The following BIN1 variants were observed in gnomAD, a reference collection of about 807,000 sequenced individuals.
BIN1 encodes bridging integrator 1.
A neutral mutation model predicts 82.0 loss-of-function variants in BIN1; 53 were observed. That is an observed-to-expected ratio of 0.65 (90% CI 0.52 to 0.81). BIN1 has a LOEUF of 0.81. Ranked by LOEUF, BIN1 falls within the 40% of genes least tolerant of loss-of-function variation. BIN1 has a pLI of 0.00. For synonymous variants in BIN1, 302 were observed against 328.0 expected, an observed-to-expected ratio of 0.92 and a Z score of 0.86; for missense variants, 642 against 784.4, an observed-to-expected ratio of 0.82 and a Z score of 2.17.
rs1466194692 is a variant in BIN1 at position 127,086,239 on chromosome 2, A to G, written c.85-9533T>C. Among the ~76,000 whole-genome samples, 7 of 152,338 alleles carry G rather than the reference A, an allele frequency of 4.6e-5. No individual in the cohort carries two copies. The East Asian group carries it at 9.7e-4, about 21-fold the overall frequency. On this transcript the variant is annotated intron_variant, in intron 1 of 18. Transcript: ENST00000316724. ...CCACACCTGATCAGTTCCAAAGCCCAGACTCAACTTTTGACTCCCAAACTG... is the reference window on the plus strand; with the variant it reads ...CCACACCTGATCAGTTCCAAAGCCCGGACTCAACTTTTGACTCCCAAACTG...
At chr2:127,088,838 A>C (rs1481923231) in intron 1 of BIN1, among the ~76,000 whole-genome samples, 20 of 152,150 alleles carry the variant, frequency 1.3e-4, no homozygotes, top group Non-Finnish European at 1.5e-4. Flanking sequence ...CTGAGCAGAG[A>C]CCTGATGAAG....
intron 7 of BIN1, among the ~76,000 whole-genome samples, chr2:127,066,559 T>C (rs535276418): frequency 4.0e-4 from 61 of 152,320 alleles, no homozygotes; most frequent in Non-Finnish European, 7.5e-4. Flanking sequence ...CTAGCCCAAG[T>C]GCTGAACTGA....
chr2:127,050,254 G>A (rs1682726327), intron 18 of BIN1, 167 bp downstream of exon 18: 1 of 689,120 alleles, frequency 1.5e-6, no homozygotes, highest in Admixed American at 2.1e-5. Context: ...GAGAGGGAGA[G>A]AGGAAAAAGC....
At chr2:127,103,713 G>A (rs990083993) in intron 1 of BIN1, among the ~76,000 whole-genome samples, 87 of 152,094 alleles carry the variant, frequency 5.7e-4, no homozygotes, top group Admixed American at 3.9e-3. Context: ...GCCCCATCCC[G>A]CGAGGGGCCC....
At chr2:127,104,368 A>G (rs2105358515) in intron 1 of BIN1, among the ~76,000 whole-genome samples, 1 of 152,292 alleles carries the variant, frequency 6.6e-6, no homozygotes, top group South Asian at 2.1e-4. Context: ...TGGGGACCCT[A>G]CAAGAGTGCA....
chr2:127,052,627 C>A, intron 14 of BIN1: 2 of 518,146 alleles, frequency 3.9e-6, no homozygotes, highest in African/African-American at 1.9e-5. Context: ...CCAGCTCGCA[C>A]CAGGCTGGCT....
chr2:127,064,688 C>T, intron 7 of BIN1: 1 of 163,638 alleles, frequency 6.1e-6, no homozygotes, highest in Non-Finnish European at 1.4e-5. Flanking sequence ...GAGGAGGCAG[C>T]CAGGCAGCTG....
Position 127,057,079 on chromosome 2 carries a change from G to A in BIN1, c.1131+394C>T, listed in dbSNP as rs1368380434. 6.6e-6 allele frequency among the ~76,000 whole-genome samples: 1 copy of A among 152,234 alleles called. No individual in the cohort carries two copies. Among genetic ancestry groups the A allele is most frequent in the Non-Finnish European group, 1.5e-5 (1 of 68,040 alleles). ...CGAGGGGCTGACAGCAGCTGTGGGA[G>A]CTGAAGTCCAGGTGCTTCAGCCATT... On this transcript the variant is annotated intron_variant, in intron 12 of 18. Transcript: ENST00000316724. This position sits in a 1 kb window ranked among gnomAD's most constrained non-coding sequence, Gnocchi z 5.0.
At position 127,070,598 on chromosome 2, in the gene BIN1, A is replaced by G. The variant is rs1685753794; in HGVS notation, c.270T>C (p.Tyr90=). The G allele has an allele frequency of 6.2e-7, 1 of 1,614,066 alleles. No individual in the cohort carries two copies. The highest frequency in any genetic ancestry group is 1.1e-5 in the South Asian group (1 of 91,076). The stretch of plus-strand genomic sequence containing the variant: ...CATCCCTGCCGGGCCAATCGGGCTC[A>G]TACACCTCCTGCAGACACTCATTCA... ...KKLNECLQEV[Y]EPDWPGRDEA... The change falls in exon 4 of 19, where the codon TAT becomes TAC. Residue 90 remains tyrosine, a synonymous_variant. Coordinates refer to ENST00000316724, the MANE Select transcript of BIN1 (RefSeq NM_139343.3).
At position 127,062,149 on chromosome 2, in the gene BIN1, C is replaced by T. The variant is rs771506242; in HGVS notation, c.823G>A (p.Gly275Arg). 9.9e-6 allele frequency: 16 copies of T among 1,608,218 alleles called. No individual in the cohort carries two copies. The highest frequency in any genetic ancestry group is 4.0e-5 in the African/African-American group (3 of 74,762). ...GCCTTGACCGTGAAGGTGTTGCTCC[C>T]GTGTTGCTTCTCCAGGCCGACCAGC... Reference protein sequence around the residue: ...DVLVGLEKQHGSNTFTVKAQP... With the variant: ...DVLVGLEKQHRSNTFTVKAQP... The change falls in exon 10 of 19, where the codon GGG becomes AGG. Residue 275 changes from glycine (G) to arginine (R), a missense_variant. Gly to Arg is a moderately radical substitution (Grantham distance 125, BLOSUM62 -2). Transcript: ENST00000316724.
At chr2:127,053,321 G>A in intron 14 of BIN1, 101 bp downstream of exon 14, 2 of 1,511,138 alleles carry the variant, frequency 1.3e-6, no homozygotes, top group Admixed American at 3.6e-5. Flanking sequence ...GGGGTGTGTG[G>A]GGTGCATGCA....
At chr2:127,053,115 G>T (rs1042090701) in intron 14 of BIN1, 2 of 484,812 alleles carry the variant, frequency 4.1e-6, no homozygotes, top group Non-Finnish European at 7.6e-6. Context: ...CTGGGTGACC[G>T]GCCCACTTCT....
At chr2:127,088,198 G>C (rs774080285) in intron 1 of BIN1, among the ~76,000 whole-genome samples, 1 of 152,210 alleles carries the variant, frequency 6.6e-6, no homozygotes, top group Non-Finnish European at 1.5e-5. Flanking sequence ...TTCCTTGAGA[G>C]GGGTGCCAAG....
At chr2:127,050,275 G>A in intron 18 of BIN1, 146 bp downstream of exon 18, 2 of 775,092 alleles carry the variant, frequency 2.6e-6, no homozygotes, top group Non-Finnish European at 4.4e-6. Flanking sequence ...CCGACGTGGA[G>A]GGCGGGGAGG....
At chr2:127,079,113 A>G (rs1686982438) in intron 1 of BIN1, among the ~76,000 whole-genome samples, 1 of 152,236 alleles carries the variant, frequency 6.6e-6, no homozygotes, top group Non-Finnish European at 1.5e-5. Context: ...TGAGGTGTAC[A>G]GAGACAGACA....
intron 1 of BIN1, among the ~76,000 whole-genome samples, chr2:127,081,493 C>T (rs1472501328): frequency 6.6e-6 from 1 of 152,134 alleles, no homozygotes; most frequent in Non-Finnish European, 1.5e-5. Context: ...GCCTGCTGCA[C>T]TTGCGGGACA....
chr2:127,073,750 TGACA>T, intron 2 of BIN1, among the ~76,000 whole-genome samples: 1 of 152,252 alleles, frequency 6.6e-6, no homozygotes, highest in East Asian at 1.9e-4. Flanking sequence ...CCCACCTCAG[TGACA>T]GACAAACAGC....
rs565856632 is a variant in BIN1, at chr2:127,048,332, G to T, written c.*194C>A. The stretch of plus-strand genomic sequence containing the variant: ...AGCTTCAGGAACACTGGTGAATTCC[G>T]CCGGACTTGCCGGGACGCGGCTCTT... On this transcript the variant is annotated 3_prime_UTR_variant, in exon 19 of 19. Coordinates refer to ENST00000316724, the MANE Select transcript of BIN1 (RefSeq NM_139343.3). 2 of 594,132 alleles carry T rather than the reference G, an allele frequency of 3.4e-6. No individual in the cohort carries two copies. The allele number at this position is 594,132 out of a possible 1,614,324, so 36.8% of individuals were successfully genotyped here.
Position 127,059,056 on chromosome 2 carries a change from G to A in BIN1, c.957C>T (p.Ala319=), listed in dbSNP as rs2276579. 0.18 allele frequency: 286,612 copies of A among 1,576,122 alleles called. 28,068 individuals carry two copies. The highest frequency in any genetic ancestry group is 0.2 in the Non-Finnish European group (235,763 of 1,161,094). The stretch of plus-strand genomic sequence containing the variant: ...GGGTGGCCCCGGGCGTGGCCCCGCC[G>A]GCCGGCTCTGGCTCGTGGTTGACTC... The part of the protein sequence containing the change: ...EIRVNHEPEP[A]GGATPGATLP... The change falls in exon 11 of 19, where the codon GCC becomes GCT. Residue 319 remains alanine (A), a synonymous_variant. Coordinates refer to ENST00000316724, the MANE Select transcript of BIN1 (RefSeq NM_139343.3). The surrounding 1 kb of genome is among the most constrained non-coding windows in gnomAD (Gnocchi z 6.7).
Sources: allele counts gnomAD v4.1 joint callset (sites outside exome capture counted in the v4.1 genomes callset), GRCh38; gene constraint gnomAD v4.1.1; non-coding constraint Gnocchi (gnomAD v3.1); transcripts MANE v1.5; gene names NCBI Gene and HGNC (gene_info 2026-07-23, HGNC 2026-07-21).